The following COL9A2 variants were observed in gnomAD, a reference collection of about 807,000 sequenced individuals.
COL9A2 encodes collagen alpha-2(IX) chain.
A neutral mutation model predicts 111.6 loss-of-function variants in COL9A2; 66 were observed. The ratio of observed to expected loss-of-function variants is 0.59; its 90% CI spans 0.48 to 0.73. The LOEUF is 0.73. COL9A2 is among the 30% of genes least tolerant of loss of function. The probability of loss-of-function intolerance (pLI) is 0.00; values close to 1 mark genes in which losing one functional copy is unlikely to be tolerated. For missense variants in COL9A2, 881 were observed against 954.1 expected, an observed-to-expected ratio of 0.92 and a Z score of 1.01; for synonymous variants, 353 against 364.1, an observed-to-expected ratio of 0.97 and a Z score of 0.35.
Position 40,303,518 on chromosome 1 carries a change from G to A in COL9A2, c.1548+12C>T. On this transcript the variant is annotated intron_variant, in intron 28 of 31. Coordinates refer to ENST00000372748, the MANE Select transcript of COL9A2 (RefSeq NM_001852.4). This position sits in a 1 kb window ranked among gnomAD's most constrained non-coding sequence, Gnocchi z 4.6. ...CTAGAAGAAGCACCTCCTACCCCGG[G>A]GCCCGACTCACCTCCACGCCCTGTC... The A allele has an allele frequency of 6.2e-7, 1 of 1,612,810 alleles. No individual in the cohort carries two copies. Among genetic ancestry groups the A allele is most frequent in the East Asian group, 2.2e-5 (1 of 44,868 alleles).
chr1:40,316,803 C>T lies in COL9A2; in HGVS notation c.75+320G>A. 2.1e-6 allele frequency: 1 copy of T among 466,040 alleles called. No individual in the cohort carries two copies. The highest frequency in any genetic ancestry group is 3.9e-6 in the Non-Finnish European group (1 of 256,332). 28.9% of individuals were successfully genotyped at this position (466,040 alleles called of 1,614,324 possible). ...GGAGGCTGCGCAGCGGGTGAATGAG[C>T]ACCATTGTATGCCCCGCCACCTGGG... is the stretch of plus-strand genomic sequence containing the variant. On this transcript the variant is annotated intron_variant, in intron 1 of 31. Coordinates refer to ENST00000372748, the MANE Select transcript of COL9A2 (RefSeq NM_001852.4). This position sits in a 1 kb window ranked among gnomAD's most constrained non-coding sequence, Gnocchi z 5.5.
Position 40,301,022 on chromosome 1 carries a change from C to T in COL9A2, c.*160G>A. ...ACCCATCAGTGCTCTACCTCCCCTT[C>T]CCCCATGTTTTAGAATTCCTTTTCC... On this transcript the variant is annotated 3_prime_UTR_variant, in exon 32 of 32. Coordinates refer to ENST00000372748, the MANE Select transcript of COL9A2 (RefSeq NM_001852.4). 1.4e-6 allele frequency: 1 copy of T among 733,092 alleles called. No homozygotes were observed. Among genetic ancestry groups the T allele is most frequent in the Non-Finnish European group, 2.3e-6 (1 of 438,260 alleles). The allele number at this position is 733,092 out of a possible 1,614,324, so 45.4% of individuals were successfully genotyped here.
rs1013130976 is a variant in COL9A2 at position 40,303,263 on chromosome 1, G to A, written c.1549-78C>T. 3 of 1,427,520 alleles carry A rather than the reference G, an allele frequency of 2.1e-6. No homozygotes were observed. The African/African-American group carries it at 4.2e-5, about 20-fold the overall frequency. The allele number at this position is 1,427,520 out of a possible 1,614,324, so 88.4% of individuals were successfully genotyped here. On this transcript the variant is annotated intron_variant, in intron 28 of 31. Transcript: ENST00000372748. The surrounding 1 kb of genome is among the most constrained non-coding windows in gnomAD (Gnocchi z 4.6). ...TCCTATCCCACCTGGCTGAGCGTGA[G>A]GCCGCCATGGAGGAGACTCTGGTGT...
At chr1:40,315,748 G>C (rs1237957976) in intron 1 of COL9A2, 84 bp from the exon 2 acceptor site, 3 of 884,400 alleles carry the variant, frequency 3.4e-6, no homozygotes, top group African/African-American at 1.7e-5. Flanking sequence ...CCCTGGGAGC[G>C]GGGTCCTAGG....
chr1:40,315,860 G>C, intron 1 of COL9A2, 196 bp from the exon 2 acceptor site: 1 of 473,022 alleles, frequency 2.1e-6, no homozygotes. Flanking sequence ...ACTCAGAACC[G>C]GGAGGCGGGC....
intron 31 of COL9A2, 28 bp downstream of exon 31, chr1:40,301,784 C>G: frequency 1.2e-6 from 2 of 1,609,946 alleles, no homozygotes; most frequent in Non-Finnish European, 1.7e-6. Context: ...GAGGAACACA[C>G]TGCAGCTGGG....
At position 40,311,545 on chromosome 1, in the gene COL9A2, A is replaced by T. The variant is rs1474688635; in HGVS notation, c.474T>A (p.Gly158=). ...SGPPGPPGKP[G]RPGTIQGLEG... ...CCAGACCCTGGATGGTTCCCGGGCG[A>T]CCCTGAGAGGAGACATGAAGATGGA... Residue 158 remains glycine (G), a splice_region_variant and synonymous_variant, in exon 10 of 32, where the codon GGT becomes GGA. Transcript: ENST00000372748. This position sits in a 1 kb window ranked among gnomAD's most constrained non-coding sequence, Gnocchi z 5.1. The T allele has an allele frequency of 6.2e-7, 1 of 1,607,570 alleles. No individual in the cohort carries two copies. The highest frequency in any genetic ancestry group is 8.5e-7 in the Non-Finnish European group (1 of 1,176,898).
In COL9A2 at chr1:40,316,738, G is replaced by A; in HGVS notation, c.75+385C>T. ...GAGGCCGCCTCGGGGCGACAGCGGCGTCTGGTTGGAGCCGGCGCCCCCTGG... is the reference window on the plus strand; with the variant it reads ...GAGGCCGCCTCGGGGCGACAGCGGCATCTGGTTGGAGCCGGCGCCCCCTGG... On this transcript the variant is annotated intron_variant, in intron 1 of 31. Transcript: ENST00000372748. The surrounding 1 kb of genome is among the most constrained non-coding windows in gnomAD (Gnocchi z 5.5). 1 of 368,260 alleles carries A rather than the reference G, an allele frequency of 2.7e-6. No homozygotes were observed. The highest frequency in any genetic ancestry group is 8.9e-5 in the East Asian group (1 of 11,192). The allele number at this position is 368,260 out of a possible 1,614,324, so 22.8% of individuals were successfully genotyped here.
chr1:40,307,330 A>T lies in COL9A2; in HGVS notation c.1008+116T>A. On this transcript the variant is annotated intron_variant, in intron 19 of 31. Coordinates refer to ENST00000372748, the MANE Select transcript of COL9A2 (RefSeq NM_001852.4). This position sits in a 1 kb window ranked among gnomAD's most constrained non-coding sequence, Gnocchi z 4.8. ...AAGCCTTCGCCAGGCCAGGGGCCAC[A>T]GAGTTGGTAACAAGGCAAGAGGTGG... is the stretch of plus-strand genomic sequence containing the variant. The T allele has an allele frequency of 1.0e-6, 1 of 1,004,538 alleles. No homozygotes were observed. Among genetic ancestry groups the T allele is most frequent in the Non-Finnish European group, 1.5e-6 (1 of 650,062 alleles). 62.2% of individuals were successfully genotyped at this position (1,004,538 alleles called of 1,614,324 possible). A position where few individuals can be genotyped will look rare whatever the true frequency, so the allele number is the denominator to read the frequency against.
Position 40,304,177 on chromosome 1 carries a change from C to T in COL9A2, c.1288-78G>A, listed in dbSNP as rs1367119048. The stretch of plus-strand genomic sequence containing the variant: ...CCCCACCTAACTTTCGGCCACACCC[C>T]TCTTTCCAACTCCGCCTCGCCGACC... On this transcript the variant is annotated intron_variant, in intron 24 of 31. Transcript: ENST00000372748. 3.3e-6 allele frequency: 5 copies of T among 1,514,518 alleles called. 1 individual carries two copies. Among genetic ancestry groups the T allele is most frequent in the Middle Eastern group, 4.5e-4 (2 of 4,486 alleles). 93.8% of individuals were successfully genotyped at this position (1,514,518 alleles called of 1,614,324 possible).
chr1:40,309,219 A>G (rs1024272557), intron 16 of COL9A2, among the ~76,000 whole-genome samples: 3 of 152,272 alleles, frequency 2.0e-5, no homozygotes, highest in Non-Finnish European at 4.4e-5. Context: ...CAGCCTGGGC[A>G]ACAAGAATAA....
chr1:40,314,187 C>T lies in COL9A2; in HGVS notation c.249+18G>A, dbSNP rs201079825. 100 of 1,614,060 alleles carry T rather than the reference C, an allele frequency of 6.2e-5. No individual in the cohort carries two copies. In the Admixed American group the frequency reaches 6.8e-4, roughly 11 times the overall value. On this transcript the variant is annotated intron_variant, in intron 4 of 31. Transcript: ENST00000372748. The surrounding 1 kb of genome is among the most constrained non-coding windows in gnomAD (Gnocchi z 4.1). Reference sequence around the variant, plus strand: ...TGGCAGAGCCCTACCCTGCCCCACCCGACACTCAGCTACTCACATCAATCC... The same window carrying T: ...TGGCAGAGCCCTACCCTGCCCCACCTGACACTCAGCTACTCACATCAATCC...
At position 40,312,499 on chromosome 1, in the gene COL9A2, A is replaced by C. The variant is rs1644146391; in HGVS notation, c.340-20T>G. On this transcript the variant is annotated intron_variant, in intron 6 of 31. Transcript: ENST00000372748. The surrounding 1 kb of genome is among the most constrained non-coding windows in gnomAD (Gnocchi z 6.0). ...AGGGCCCTGGAACAGAAAGAAAGAA[A>C]ATTGGCTTCATGGCTCCCTCTGCAG... 6.2e-7 allele frequency: 1 copy of C among 1,613,818 alleles called. No homozygotes were observed. Among genetic ancestry groups the C allele is most frequent in the Non-Finnish European group, 8.5e-7 (1 of 1,179,918 alleles).
intron 16 of COL9A2, among the ~76,000 whole-genome samples, chr1:40,308,507 G>A (rs1055541146): frequency 6.6e-6 from 1 of 152,214 alleles, no homozygotes; most frequent in Non-Finnish European, 1.5e-5. Flanking sequence ...CTGAGACCTT[G>A]GCCAAGGCCC....
Position 40,300,904 on chromosome 1 carries a change from C to T in COL9A2, c.*278G>A, listed in dbSNP as rs771268496. 2.2e-6 allele frequency: 1 copy of T among 448,502 alleles called. No homozygotes were observed. Among genetic ancestry groups the T allele is most frequent in the African/African-American group, 2.0e-5 (1 of 50,952 alleles). The allele number at this position is 448,502 out of a possible 1,614,324, so 27.8% of individuals were successfully genotyped here. On this transcript the variant is annotated 3_prime_UTR_variant, in exon 32 of 32. Coordinates refer to ENST00000372748, the MANE Select transcript of COL9A2 (RefSeq NM_001852.4). This position sits in a 1 kb window ranked among gnomAD's most constrained non-coding sequence, Gnocchi z 4.4. ...TTAAGATGTTTGTTTTGGTAACAGC[C>T]GAATGATGCTCGCTGGAAGGAAAGC... is the stretch of plus-strand genomic sequence containing the variant.
Position 40,312,757 on chromosome 1 carries a change from C to T in COL9A2, c.277G>A (p.Gly93Ser). 6.4e-7 allele frequency: 1 copy of T among 1,552,566 alleles called. No homozygotes were observed. Among genetic ancestry groups the T allele is most frequent in the Non-Finnish European group, 8.7e-7 (1 of 1,147,478 alleles). The change falls in exon 5 of 32, where the codon GGC (glycine) becomes AGC (serine). Residue 93 changes from glycine (G) to serine (S), a missense_variant. Transcript: ENST00000372748. This position sits in a 1 kb window ranked among gnomAD's most constrained non-coding sequence, Gnocchi z 6.0. ...DGLTGAKGEP[G>S]PMGIPGVKGQ... ...TTGACTCCAGGGATCCCCATGGGGC[C>T]AGGCTCCCCCTTGGCTCCAGTTAAA...
At position 40,300,609 on chromosome 1, in the gene COL9A2, A is replaced by C. The variant is rs1207397632; in HGVS notation, c.*573T>G. The C allele has an allele frequency of 6.5e-6, 1 of 153,140 alleles. No homozygotes were observed. The highest frequency in any genetic ancestry group is 1.9e-4 in the East Asian group (1 of 5,212). The allele number at this position is 153,140 out of a possible 1,614,324, so 9.5% of individuals were successfully genotyped here. On this transcript the variant is annotated 3_prime_UTR_variant, in exon 32 of 32. Coordinates refer to ENST00000372748, the MANE Select transcript of COL9A2 (RefSeq NM_001852.4). This position sits in a 1 kb window ranked among gnomAD's most constrained non-coding sequence, Gnocchi z 4.4. ...AAAGGGGTGGGGAGTTATGCGAGAA[A>C]GAGAAGGGAGATGATGTTTAAATAC...
chr1:40,306,395 C>G (rs980759073), intron 19 of COL9A2, among the ~76,000 whole-genome samples: 1 of 152,208 alleles, frequency 6.6e-6, no homozygotes, highest in Non-Finnish European at 1.5e-5. Flanking sequence ...CTTCCAGGAC[C>G]TGGGGTCTAC....
At chr1:40,315,361 C>CA (rs1644201257) in intron 2 of COL9A2, 1 of 1,375,810 alleles carries the variant, frequency 7.3e-7, no homozygotes, top group African/African-American at 1.5e-5. Flanking sequence ...GCGGACTGAA[C>CA]AGCAGCTCCT....
Sources: allele counts gnomAD v4.1 joint callset (sites outside exome capture counted in the v4.1 genomes callset), GRCh38; gene constraint gnomAD v4.1.1; non-coding constraint Gnocchi (gnomAD v3.1); transcripts MANE v1.5; gene names NCBI Gene and HGNC (gene_info 2026-07-23, HGNC 2026-07-21).